CCDC83: variants seen among roughly 807,000 people sequenced by gnomAD.
The protein encoded by CCDC83 is coiled-coil domain-containing protein 83.
In CCDC83, 54 loss-of-function variants were observed where a neutral mutation model predicts 50.1. The ratio of observed to expected loss-of-function variants is 1.08; its 90% confidence interval spans 0.87 to 1.35. The LOEUF (loss-of-function observed/expected upper bound fraction) is 1.35. Ranked by LOEUF, CCDC83 falls within the 40% of genes most tolerant of loss-of-function variation. CCDC83 has a pLI of 0.00. For synonymous variants in CCDC83, 161 were observed against 153.3 expected (o/e 1.05, Z -0.37); for missense variants, 518 against 473.9 (o/e 1.09, Z -0.86).
upstream of CCDC83, chr11:85,855,171 CTGTCCGCCCAGGGCCGGG>C (rs1222256434): frequency 6.6e-6 from 1 of 152,344 alleles, no homozygotes; most frequent in Non-Finnish European, 1.5e-5. Flanking sequence ...GAAGTGCGAG[CTGTCCGCCCAGGGCCGGG>C]TATCCGCCCC....
chr11:85,918,096 C>T (rs1385920989), intron 10 of CCDC83: 1 of 152,196 alleles, frequency 6.6e-6, no homozygotes, highest in Non-Finnish European at 1.5e-5. Context: ...AATAAGACAT[C>T]ACCTTCCTTT....
At chr11:85,861,300 T>TTAC (rs1231015707) in intron 1 of CCDC83, among the ~76,000 whole-genome samples, 1 of 152,228 alleles carries the variant, frequency 6.6e-6, no homozygotes, top group Admixed American at 6.5e-5. Flanking sequence ...AAGTACTGCA[T>TTAC]TACTACTACT....
At chr11:85,879,632 T>C (rs1337661777) in intron 3 of CCDC83, among the ~76,000 whole-genome samples, 2 of 152,044 alleles carry the variant, frequency 1.3e-5, no homozygotes, top group Non-Finnish European at 2.9e-5. Flanking sequence ...CAATTTTTTT[T>C]TTTTTGAGAT....
intron 5 of CCDC83, among the ~76,000 whole-genome samples, chr11:85,893,023 T>C (rs910297267): frequency 3.3e-5 from 5 of 152,146 alleles, no homozygotes; most frequent in African/African-American, 9.7e-5. Flanking sequence ...CTGACCACCT[T>C]TTCTGGCCAC....
At chr11:85,860,194 C>T (rs145920246) in intron 1 of CCDC83, among the ~76,000 whole-genome samples, 21,016 of 148,868 alleles carry the variant, frequency 0.14, 1,782 homozygotes, top group Middle Eastern at 0.2. Flanking sequence ...CCCAGCTACT[C>T]GGGAGGCTGA....
intron 7 of CCDC83, 91 bp from the exon 8 acceptor site, chr11:85,911,190 A>G (rs1041336710): frequency 3.5e-6 from 4 of 1,128,268 alleles, no homozygotes; most frequent in Non-Finnish European, 4.7e-6. Flanking sequence ...AAAAAAAAAA[A>G]AAGAAAGAAA....
chr11:85,872,391 A>G (rs2153683417), intron 2 of CCDC83, among the ~76,000 whole-genome samples: 1 of 152,198 alleles, frequency 6.6e-6, no homozygotes, highest in South Asian at 2.1e-4. Flanking sequence ...AGGCTGAGGC[A>G]GGACAATCGC....
chr11:85,879,544 T>C (rs951828384), intron 3 of CCDC83, among the ~76,000 whole-genome samples: 7 of 152,032 alleles, frequency 4.6e-5, no homozygotes, highest in African/African-American at 1.2e-4. Flanking sequence ...AAAACCACAA[T>C]GAGGTACCAC....
intron 7 of CCDC83, 59 bp from the exon 8 acceptor site, chr11:85,911,222 A>G: frequency 1.5e-6 from 2 of 1,333,244 alleles, no homozygotes; most frequent in Non-Finnish European, 2.0e-6. Context: ...TAAAGAAAAG[A>G]AAACTTAATA....
intron 5 of CCDC83, among the ~76,000 whole-genome samples, chr11:85,889,246 T>C (rs1165970388): frequency 1.3e-5 from 2 of 152,204 alleles, no homozygotes; most frequent in African/African-American, 4.8e-5. Flanking sequence ...CCAGCTCCTG[T>C]GAGGCTTAGG....
intron 2 of CCDC83, among the ~76,000 whole-genome samples, chr11:85,872,043 C>T (rs932890953): frequency 6.6e-6 from 1 of 152,166 alleles, no homozygotes; most frequent in Non-Finnish European, 1.5e-5. Flanking sequence ...ACCTCCGCCT[C>T]CTGGGTTCAA....
intron 4 of CCDC83, among the ~76,000 whole-genome samples, chr11:85,883,452 G>A (rs74888811): frequency 3.4e-4 from 51 of 152,164 alleles, no homozygotes; most frequent in Middle Eastern, 3.4e-3. Context: ...AGGGATTAGC[G>A]TTGGGAAAGG....
intron 10 of CCDC83, among the ~76,000 whole-genome samples, chr11:85,917,202 GAAAGAAGGAAAGAAAGAAAGAAAGAAAGA>G (rs1565160155): frequency 2.4e-4 from 29 of 121,472 alleles, no homozygotes; most frequent in Admixed American, 3.3e-4. Context: ...GAGAAAGAAA[GAAAGAAGGAAAGAAAGAAAGAAAGAAAGA>G]AAAGAAAGAA....
chr11:85,882,577 A>C lies in CCDC83; in HGVS notation c.245A>C (p.Glu82Ala). 6.2e-7 allele frequency: 1 copy of C among 1,613,996 alleles called. No individual in the cohort carries two copies. Among genetic ancestry groups the C allele is most frequent in the South Asian group, 1.1e-5 (1 of 91,080 alleles). ...CATCTACTAAAGGAACTGAGTGAAG[A>C]GAAGGCAGAGGGATTGCCAGTTGTA... ...IRHLLKELSE[E>A]KAEGLPVVTR... The change falls in exon 4 of 11, where the codon GAG (glutamate) becomes GCG (alanine). Residue 82 changes from glutamate to alanine, a missense_variant. Transcript: ENST00000342404.
intron 10 of CCDC83, among the ~76,000 whole-genome samples, chr11:85,917,231 A>AAAGAAGGAAAG (rs1554986962): frequency 7.5e-6 from 1 of 134,070 alleles, no homozygotes; most frequent in South Asian, 2.4e-4. Context: ...AGAAAGAAAG[A>AAAGAAGGAAAG]AAAGAAAGAA....
Position 85,911,417 on chromosome 11 carries a change from T to C in CCDC83, c.794+15T>C. 1 of 1,555,574 alleles carries C rather than the reference T, an allele frequency of 6.4e-7. No homozygotes were observed. The highest frequency in any genetic ancestry group is 8.7e-7 in the Non-Finnish European group (1 of 1,154,522). On this transcript the variant is annotated intron_variant, in intron 8 of 10. Coordinates refer to ENST00000342404, the MANE Select transcript of CCDC83 (RefSeq NM_001286159.2). ...AAGATACCCAGGTGAAAATTGTTAA[T>C]ATATAGAGAGTATTTTGTAAACATT...
intron 2 of CCDC83, among the ~76,000 whole-genome samples, chr11:85,870,214 G>A (rs2093229289): frequency 6.6e-6 from 1 of 152,192 alleles, no homozygotes; most frequent in African/African-American, 2.4e-5. Flanking sequence ...ATGGGGCTGG[G>A]GCTGCACATG....
chr11:85,898,971 G>T lies in CCDC83; in HGVS notation c.628G>T (p.Gly210Cys), dbSNP rs1302997887. The T allele has an allele frequency of 1.2e-6, 2 of 1,612,472 alleles. No individual in the cohort carries two copies. Among genetic ancestry groups the T allele is most frequent in the Non-Finnish European group, 1.7e-6 (2 of 1,179,036 alleles). Residue 210 changes from glycine to cysteine, a missense_variant, in exon 7 of 11, where the codon GGC becomes TGC. Physicochemically the swap from Gly to Cys is radical, Grantham distance 159. Coordinates refer to ENST00000342404, the MANE Select transcript of CCDC83 (RefSeq NM_001286159.2). ...GAATGCTGTAAAGCTCATTGACAAG[G>T]GCAGTTATCTAGAGATCTGGGAGAA... ...TQNAVKLIDK[G>C]SYLEIWENDW...
chr11:85,856,178 C>A (rs149213218), intron 1 of CCDC83, among the ~76,000 whole-genome samples: 5 of 125,868 alleles, frequency 4.0e-5, no homozygotes, highest in African/African-American at 1.2e-4. Context: ...AGTGCCCTAT[C>A]TAAGCCAAAA....
Sources: gnomAD v4.1 joint callset for allele counts (sites outside exome capture counted in the v4.1 genomes callset) on GRCh38, gnomAD v4.1.1 for gene constraint, MANE v1.5 for transcripts, NCBI Gene and HGNC (gene_info 2026-07-23, HGNC 2026-07-21) for gene names.